SDK1: variants seen among roughly 807,000 people sequenced by gnomAD.
The protein encoded by SDK1 is protein sidekick-1.
SDK1 carries 157 observed loss-of-function variants against 245.5 expected under a neutral mutation model. That is an observed-to-expected ratio of 0.64 (90% CI 0.56 to 0.73). The LOEUF is 0.73. Among genes scored for constraint, SDK1 ranks in the 30% least tolerant of loss-of-function variants. The pLI, the probability that SDK1 is intolerant of heterozygous loss-of-function variation, is 0.00. For synonymous variants in SDK1, 1,647 were observed against 1,278.5 expected (o/e 1.29, Z -6.15); for missense variants, 3,583 against 3,002.3 (o/e 1.19, Z -4.52).
intron 1 of SDK1, among the ~76,000 whole-genome samples, chr7:3,531,872 A>G (rs1416324304): frequency 6.6e-6 from 1 of 152,252 alleles, no homozygotes; most frequent in East Asian, 1.9e-4. Context: ...TAAGCTGTCT[A>G]GAAATTAAGT....
At chr7:3,823,084 G>T (rs1264376697) in intron 5 of SDK1, among the ~76,000 whole-genome samples, 2 of 152,174 alleles carry the variant, frequency 1.3e-5, no homozygotes, top group African/African-American at 4.8e-5. Context: ...CATGGAGAAT[G>T]ATGCACGTGG....
intron 1 of SDK1, among the ~76,000 whole-genome samples, chr7:3,343,288 G>A (rs1325614087): frequency 6.6e-6 from 1 of 152,134 alleles, no homozygotes; most frequent in East Asian, 1.9e-4. Flanking sequence ...TTCAGTGAAC[G>A]CATTATTGAA....
chr7:3,323,495 T>G (rs925974376), intron 1 of SDK1, among the ~76,000 whole-genome samples: 2 of 152,228 alleles, frequency 1.3e-5, no homozygotes, highest in African/African-American at 2.4e-5. Context: ...TTCACATTGC[T>G]GGTCATGTTC....
chr7:3,418,973 G>A (rs562407240), intron 1 of SDK1, among the ~76,000 whole-genome samples: 1 of 152,172 alleles, frequency 6.6e-6, no homozygotes, highest in Non-Finnish European at 1.5e-5. Flanking sequence ...TAGGGACCAT[G>A]TTCTTGTGGA....
At chr7:4,175,070 G>T (rs2128217897) in intron 33 of SDK1, among the ~76,000 whole-genome samples, 1 of 152,176 alleles carries the variant, frequency 6.6e-6, no homozygotes, top group East Asian at 1.9e-4. Context: ...TGTGGCACCA[G>T]GGCTGCCTAC....
rs745688949 is a variant in SDK1, at chr7:4,208,216, A to G, written c.5332A>G (p.Ile1778Val). 4 of 1,614,104 alleles carry G rather than the reference A, an allele frequency of 2.5e-6. No individual in the cohort carries two copies. The highest frequency in any genetic ancestry group is 3.4e-6 in the Non-Finnish European group (4 of 1,180,010). The part of the protein sequence containing the change: ...LTSHTKYLVS[I>V]SAFNAAGDGP... Reference sequence around the variant, plus strand: ...CAGCCATACCAAGTACCTGGTCAGCATATCAGCCTTCAACGCCGCCGGAGA... The same window carrying G: ...CAGCCATACCAAGTACCTGGTCAGCGTATCAGCCTTCAACGCCGCCGGAGA... The change falls in exon 37 of 45, where the codon ATA (isoleucine) becomes GTA (valine). Residue 1778 changes from isoleucine to valine, a missense_variant. Transcript: ENST00000404826.
intron 2 of SDK1, among the ~76,000 whole-genome samples, chr7:3,624,047 A>C (rs891072376): frequency 3.9e-5 from 6 of 152,214 alleles, no homozygotes; most frequent in Non-Finnish European, 5.9e-5. Flanking sequence ...TTTATAAGAA[A>C]TGAGTAGAAC....
At chr7:3,670,234 A>G (rs1230978484) in intron 4 of SDK1, among the ~76,000 whole-genome samples, 1 of 152,192 alleles carries the variant, frequency 6.6e-6, no homozygotes, top group Non-Finnish European at 1.5e-5. Flanking sequence ...CCATTAGTAT[A>G]TTAGTCTGAG....
rs112366176 is a variant in SDK1, at chr7:3,474,125, G to C, written c.299-144955G>C. On this transcript the variant is annotated intron_variant, in intron 1 of 44. Coordinates refer to ENST00000404826, the MANE Select transcript of SDK1 (RefSeq NM_152744.4). ...TTTTTTTTTTTTTTTTTTTTTTTGAGACCGTGTCTCTCTGTTGCCCAGGCT... is the reference window on the plus strand; with the variant it reads ...TTTTTTTTTTTTTTTTTTTTTTTGACACCGTGTCTCTCTGTTGCCCAGGCT... Among the ~76,000 whole-genome samples, 10 of 56,330 alleles carry C rather than the reference G, an allele frequency of 1.8e-4. No individual in the cohort carries two copies. In the South Asian group the frequency reaches 7.2e-3, roughly 41 times the overall value. The allele number at this position is 56,330 out of a possible 152,430, so 37.0% of individuals were successfully genotyped here.
chr7:3,959,118 G>A (rs1486306454), intron 8 of SDK1, 104 bp downstream of exon 8: 1 of 889,512 alleles, frequency 1.1e-6, no homozygotes, highest in Non-Finnish European at 1.9e-6. Context: ...CATTGAGTGT[G>A]ATGGCGAAGA....
intron 14 of SDK1, among the ~76,000 whole-genome samples, chr7:3,997,624 G>A (rs976967458): frequency 2.6e-5 from 4 of 152,196 alleles, no homozygotes; most frequent in African/African-American, 9.6e-5. Flanking sequence ...CCTGTCATCT[G>A]CTCAGCTCTG....
chr7:3,707,158 T>G (rs963548790), intron 4 of SDK1, among the ~76,000 whole-genome samples: 4 of 152,206 alleles, frequency 2.6e-5, no homozygotes, highest in Non-Finnish European at 5.9e-5. Flanking sequence ...TGTCAATTTA[T>G]GATCTTTCAG....
At chr7:3,568,065 C>T (rs866019216) in intron 1 of SDK1, among the ~76,000 whole-genome samples, 3 of 152,160 alleles carry the variant, frequency 2.0e-5, no homozygotes, top group Non-Finnish European at 2.9e-5. Context: ...AAGCAATCCT[C>T]CCACCTTAGC....
chr7:3,332,640 T>C (rs956821313), intron 1 of SDK1, among the ~76,000 whole-genome samples: 1 of 152,136 alleles, frequency 6.6e-6, no homozygotes, highest in African/African-American at 2.4e-5. Flanking sequence ...CTAGAAAGGC[T>C]CTGCATTTTA....
chr7:3,692,009 A>G (rs1344807547), intron 4 of SDK1, among the ~76,000 whole-genome samples: 1 of 152,094 alleles, frequency 6.6e-6, no homozygotes, highest in Non-Finnish European at 1.5e-5. Context: ...ATTCATGAGT[A>G]TTCATTAAAC....
chr7:3,769,976 G>T (rs897399357), intron 4 of SDK1, among the ~76,000 whole-genome samples: 1 of 149,226 alleles, frequency 6.7e-6, no homozygotes, highest in African/African-American at 2.5e-5. Context: ...GTGTATTTAC[G>T]GCTATGTAAT....
chr7:3,989,992 T>C (rs561479198), intron 14 of SDK1, among the ~76,000 whole-genome samples: 31 of 152,316 alleles, frequency 2.0e-4, no homozygotes, highest in African/African-American at 6.7e-4. Flanking sequence ...CCGGTGCTCA[T>C]GACGAGTGTC....
At chr7:3,642,236 C>G in intron 4 of SDK1, 131 bp downstream of exon 4, 1 of 746,322 alleles carries the variant, frequency 1.3e-6, no homozygotes, top group Non-Finnish European at 2.1e-6. Flanking sequence ...GAGTCCTATC[C>G]TAATTTTTAA....
intron 1 of SDK1, among the ~76,000 whole-genome samples, chr7:3,542,916 A>G (rs1181593700): frequency 6.6e-6 from 1 of 152,236 alleles, no homozygotes; most frequent in Non-Finnish European, 1.5e-5. Context: ...GACTAGGAAA[A>G]ATAGCAGACC....
Sources: gnomAD v4.1 joint callset for allele counts (sites outside exome capture counted in the v4.1 genomes callset) on GRCh38, gnomAD v4.1.1 for gene constraint, MANE v1.5 for transcripts, NCBI Gene and HGNC (gene_info 2026-07-23, HGNC 2026-07-21) for gene names.